The following BLTP3B variants were observed in gnomAD, a reference collection of about 807,000 sequenced individuals.
The protein encoded by BLTP3B is bridge-like lipid transfer protein family member 3B, also known as UHRF1 (ICBP90) binding protein 1-like.
chr12:100,046,675 T>C, the BLTP3B span, among the ~76,000 whole-genome samples: 1 of 151,950 alleles, frequency 6.6e-6, no homozygotes, highest in African/African-American at 2.4e-5. Context: ...TGTATACCTA[T>C]GTAAAAAACC....
the BLTP3B span, among the ~76,000 whole-genome samples, chr12:100,094,916 T>C: frequency 6.6e-6 from 1 of 152,216 alleles, no homozygotes; most frequent in South Asian, 2.1e-4. Flanking sequence ...CAACAAGCTA[T>C]ATATCTGAGA....
the BLTP3B span, among the ~76,000 whole-genome samples, chr12:100,088,109 T>C: frequency 1.3e-5 from 2 of 152,138 alleles, no homozygotes; most frequent in South Asian, 2.1e-4. Context: ...CAATATTCAC[T>C]TTCTCAGCTT....
At chr12:100,077,572 C>A in the BLTP3B span, among the ~76,000 whole-genome samples, 3 of 152,328 alleles carry the variant, frequency 2.0e-5, no homozygotes, top group African/African-American at 7.2e-5. Flanking sequence ...TCAGCAGCAT[C>A]CCTGTCCAGT....
the BLTP3B span, among the ~76,000 whole-genome samples, chr12:100,043,996 T>A: frequency 4.6e-5 from 7 of 152,172 alleles, no homozygotes; most frequent in African/African-American, 1.7e-4. Context: ...GACTTTTTTT[T>A]AAAGAACTAT....
chr12:100,108,634 A>T, the BLTP3B span: 4 of 1,146,674 alleles, frequency 3.5e-6, no homozygotes, highest in South Asian at 6.5e-5. Flanking sequence ...AGAACTAAAA[A>T]TATAATAGGA....
chr12:100,068,238 A>G, the BLTP3B span, among the ~76,000 whole-genome samples: 2 of 152,176 alleles, frequency 1.3e-5, no homozygotes, highest in African/African-American at 4.8e-5. Flanking sequence ...ACAAAAACAT[A>G]AAGTGGGGAA....
the BLTP3B span, among the ~76,000 whole-genome samples, chr12:100,123,830 A>C: frequency 6.6e-6 from 1 of 152,210 alleles, no homozygotes. Context: ...GTGTAATGAA[A>C]AAAAATCAAT....
chr12:100,119,210 G>A, the BLTP3B span, among the ~76,000 whole-genome samples: 1 of 152,124 alleles, frequency 6.6e-6, no homozygotes, highest in Non-Finnish European at 1.5e-5. Context: ...TAAGAAATAT[G>A]AAATTTTTAG....
At chr12:100,102,682 G>C in the BLTP3B span, 1 of 917,070 alleles carries the variant, frequency 1.1e-6, no homozygotes, top group Non-Finnish European at 1.7e-6. Context: ...CTGAAATAGA[G>C]GCCATTTGAG....
At chr12:100,121,649 G>A in the BLTP3B span, among the ~76,000 whole-genome samples, 1 of 152,072 alleles carries the variant, frequency 6.6e-6, no homozygotes, top group Non-Finnish European at 1.5e-5. Context: ...TGACCAACAT[G>A]GTGAAACCCT....
chr12:100,136,729 T>A, the BLTP3B span, among the ~76,000 whole-genome samples: 1 of 152,212 alleles, frequency 6.6e-6, no homozygotes, highest in African/African-American at 2.4e-5. Flanking sequence ...GCAGTATTGA[T>A]CTCCAATTAT....
chr12:100,059,752 T>A, the BLTP3B span: 4 of 1,299,744 alleles, frequency 3.1e-6, no homozygotes, highest in Non-Finnish European at 4.2e-6. Context: ...TTAAAAAACA[T>A]AACATGAATT....
At chr12:100,093,023 C>T in the BLTP3B span, 37 of 914,200 alleles carry the variant, frequency 4.0e-5, no homozygotes, top group Non-Finnish European at 4.8e-5. Flanking sequence ...TTAAAAACTT[C>T]CACTGGCTCC....
the BLTP3B span, among the ~76,000 whole-genome samples, chr12:100,099,919 T>G: frequency 7.6e-6 from 1 of 132,368 alleles, no homozygotes. Context: ...CAGAGAGAGA[T>G]CACATTTCAA....
At chr12:100,133,936 A>G in the BLTP3B span, among the ~76,000 whole-genome samples, 1 of 152,158 alleles carries the variant, frequency 6.6e-6, no homozygotes. Context: ...CAATTTTTCT[A>G]TTACATATTA....
the BLTP3B span, chr12:100,082,976 A>C: frequency 4.8e-6 from 7 of 1,452,130 alleles, no homozygotes; most frequent in Non-Finnish European, 4.8e-6. Context: ...TGAGATACTA[A>C]AGTGTTTATG....
At chr12:100,135,961 C>T in the BLTP3B span, among the ~76,000 whole-genome samples, 1 of 151,930 alleles carries the variant, frequency 6.6e-6, no homozygotes, top group African/African-American at 2.4e-5. Flanking sequence ...GCCTGTAATC[C>T]CAGCACTTTG....
At chr12:100,044,567 G>C in the BLTP3B span, among the ~76,000 whole-genome samples, 2 of 152,116 alleles carry the variant, frequency 1.3e-5, no homozygotes, top group Non-Finnish European at 2.9e-5. Context: ...ACTTTTGTTA[G>C]AGTGGAGATG....
At chr12:100,123,675 G>A in the BLTP3B span, among the ~76,000 whole-genome samples, 1 of 152,058 alleles carries the variant, frequency 6.6e-6, no homozygotes, top group East Asian at 1.9e-4. Context: ...TAACGTCAAG[G>A]CATAAATTTT....
Sources: allele counts gnomAD v4.1 joint callset (sites outside exome capture counted in the v4.1 genomes callset), GRCh38; gene constraint gnomAD v4.1.1; transcripts MANE v1.5; gene names NCBI Gene and HGNC (gene_info 2026-07-23, HGNC 2026-07-21).